Variants in DYTN observed in about 807,000 individuals in gnomAD.
DYTN encodes dystrotelin.
Under a neutral mutation model 69.6 loss-of-function variants are expected in DYTN, and 75 were observed. That is an observed-to-expected ratio of 1.08 (90% confidence interval 0.89 to 1.31). The LOEUF (loss-of-function observed/expected upper bound fraction) is 1.31, where lower values mean the gene tolerates loss of function less well. DYTN is among the 50% of genes most tolerant of loss of function. DYTN has a pLI of 0.00. For missense variants in DYTN, 726 were observed against 688.4 expected (o/e 1.05, Z -0.61); for synonymous variants, 252 against 249.1 (o/e 1.01, Z -0.11).
intron 9 of DYTN, among the ~76,000 whole-genome samples, chr2:206,666,738 C>CGTGTGTGTGTGTGT (rs56345459): frequency 2.6e-4 from 38 of 145,744 alleles, no homozygotes; most frequent in Non-Finnish European, 4.8e-4. Flanking sequence ...CATGGGTGTG[C>CGTGTGTGTGTGTGT]GTGTGTGTGT....
At chr2:206,678,397 G>T (rs1699715324) in intron 9 of DYTN, among the ~76,000 whole-genome samples, 1 of 152,216 alleles carries the variant, frequency 6.6e-6, no homozygotes, top group Admixed American at 6.5e-5. Flanking sequence ...CAATAAGCAT[G>T]AAGAGCCTTA....
intron 11 of DYTN, among the ~76,000 whole-genome samples, chr2:206,655,527 A>G (rs1204474030): frequency 6.6e-6 from 1 of 152,008 alleles, no homozygotes; most frequent in African/African-American, 2.4e-5. Context: ...CTCCTGCTTC[A>G]GTCTCTTGAG....
intron 2 of DYTN, among the ~76,000 whole-genome samples, chr2:206,707,858 G>A (rs72960722): frequency 0.31 from 46,832 of 152,004 alleles, 7,502 homozygotes; most frequent in East Asian, 0.44. Context: ...TAAAAAGTTG[G>A]GGAAAACATT....
intron 10 of DYTN, 62 bp from the exon 11 acceptor site, chr2:206,663,457 A>C: frequency 6.8e-7 from 1 of 1,467,576 alleles, no homozygotes; most frequent in Non-Finnish European, 9.0e-7. Context: ...TCATAAATGC[A>C]TTACATTTCA....
At chr2:206,662,878 T>C in intron 11 of DYTN, 25 bp downstream of exon 11, 1 of 1,585,236 alleles carries the variant, frequency 6.3e-7, no homozygotes, top group South Asian at 1.2e-5. Context: ...GCCATCACGA[T>C]GTCTATGGAT....
At chr2:206,658,901 G>C (rs16838424) in intron 11 of DYTN, among the ~76,000 whole-genome samples, 19,919 of 147,590 alleles carry the variant, frequency 0.13, 1,353 homozygotes, top group East Asian at 0.17. Context: ...AAAGAAGCTA[G>C]AAAAATAACT....
In DYTN at chr2:206,658,603, G is replaced by T. The variant is rs111743967; in HGVS notation, c.1633+4300C>A. ...GGGTTTTGTCAGTAATTTGAGACAGGTTAGACAGAAGCCCAGTCCCTTGGA... is the reference window on the plus strand; with the variant it reads ...GGGTTTTGTCAGTAATTTGAGACAGTTTAGACAGAAGCCCAGTCCCTTGGA... On this transcript the variant is annotated intron_variant, in intron 11 of 11. Coordinates refer to ENST00000452335, the MANE Select transcript of DYTN (RefSeq NM_001093730.1). Among the ~76,000 whole-genome samples, 28 of 152,136 alleles carry T rather than the reference G, an allele frequency of 1.8e-4. 2 individuals are homozygous for T. Among genetic ancestry groups the T allele is most frequent in the African/African-American group, 5.3e-4 (22 of 41,494 alleles).
chr2:206,702,586 T>C (rs552784557), intron 5 of DYTN, among the ~76,000 whole-genome samples: 2 of 152,322 alleles, frequency 1.3e-5, no homozygotes, highest in African/African-American at 4.8e-5. Context: ...TTACCCATCG[T>C]TTGGCTTGTG....
At position 206,663,282 on chromosome 2, in the gene DYTN, C is replaced by A; in HGVS notation, c.1254G>T (p.Lys418Asn). ...CTGTTGAAGCATCTTCAGTGGCATT[C>A]TTGATCTGCAAATAATCCCCTCCCT... ...VPKGGDYLQI[K>N]NATEDASTGE... is the part of the protein sequence containing the mutation. Residue 418 changes from lysine to asparagine, a missense_variant, in exon 11 of 12, where the codon AAG (lysine) becomes AAT (asparagine). By Grantham distance (94) the Lys-to-Asn change is moderately conservative. Transcript: ENST00000452335. 6.2e-7 allele frequency: 1 copy of A among 1,613,970 alleles called. No homozygotes were observed. The highest frequency in any genetic ancestry group is 1.7e-5 in the Admixed American group (1 of 60,014).
chr2:206,656,256 G>C (rs1445621500), intron 11 of DYTN, among the ~76,000 whole-genome samples: 2 of 152,088 alleles, frequency 1.3e-5, no homozygotes, highest in African/African-American at 4.8e-5. Flanking sequence ...ACTTGTGTGA[G>C]TTTTTGACTT....
intron 3 of DYTN, among the ~76,000 whole-genome samples, chr2:206,706,783 C>T (rs1274303278): frequency 6.6e-6 from 1 of 151,970 alleles, no homozygotes; most frequent in Non-Finnish European, 1.5e-5. Context: ...ACACGCACCC[C>T]TACCACACAC....
chr2:206,704,816 T>A (rs370848204), intron 5 of DYTN, 27 bp downstream of exon 5: 1 of 1,584,332 alleles, frequency 6.3e-7, no homozygotes. Context: ...GAAACAAATG[T>A]ACAGTTCTTA....
chr2:206,663,075 C>T lies in DYTN; in HGVS notation c.1461G>A (p.Leu487=), dbSNP rs1308136074. 1 of 1,613,948 alleles carries T rather than the reference C, an allele frequency of 6.2e-7. No homozygotes were observed. Among genetic ancestry groups the T allele is most frequent in the South Asian group, 1.1e-5 (1 of 91,068 alleles). ...ISALPSYQEG[L]KQDIPKMVPA... ...GAACCATTTTGGGGATGTCCTGCTT[C>T]AGTCCCTCCTGATAACTGGGTAGGG... The change falls in exon 11 of 12, where the codon CTG becomes CTA. Residue 487 remains leucine, a synonymous_variant. Coordinates refer to ENST00000452335, the MANE Select transcript of DYTN (RefSeq NM_001093730.1).
At chr2:206,694,636 C>T in intron 8 of DYTN, 130 bp downstream of exon 8, 1 of 591,386 alleles carries the variant, frequency 1.7e-6, no homozygotes. Flanking sequence ...TTGCCACTTG[C>T]TTAGTCTTAA....
chr2:206,718,072 C>T (rs1471056038), intron 1 of DYTN, among the ~76,000 whole-genome samples, 189 bp downstream of exon 1: 4 of 152,146 alleles, frequency 2.6e-5, no homozygotes, highest in Admixed American at 1.3e-4. Flanking sequence ...AGACCAGATA[C>T]TCTTCAGTAC....
intron 9 of DYTN, among the ~76,000 whole-genome samples, chr2:206,668,364 TC>T (rs1341667591): frequency 6.6e-6 from 1 of 152,176 alleles, no homozygotes; most frequent in Non-Finnish European, 1.5e-5. Flanking sequence ...CCAGTTCTTT[TC>T]TTCTTCTGCT....
intron 9 of DYTN, among the ~76,000 whole-genome samples, chr2:206,683,285 C>T (rs1699770631): frequency 6.6e-6 from 1 of 151,752 alleles, no homozygotes; most frequent in Admixed American, 6.6e-5. Context: ...AGCCCAGGTC[C>T]TTACATTGGC....
At chr2:206,702,324 G>A (rs1010370565) in intron 5 of DYTN, among the ~76,000 whole-genome samples, 2 of 152,246 alleles carry the variant, frequency 1.3e-5, no homozygotes, top group Non-Finnish European at 2.9e-5. Flanking sequence ...CTGTCAGCAG[G>A]CATTGCCTGC....
chr2:206,666,573 A>T (rs13023367), intron 9 of DYTN, among the ~76,000 whole-genome samples: 18,691 of 152,162 alleles, frequency 0.12, 1,197 homozygotes, highest in Non-Finnish European at 0.14. Context: ...TTCAGAATGA[A>T]AGTACACCCG....
Sources: gnomAD v4.1 joint callset for allele counts (sites outside exome capture counted in the v4.1 genomes callset) on GRCh38, gnomAD v4.1.1 for gene constraint, MANE v1.5 for transcripts, NCBI Gene and HGNC (gene_info 2026-07-23, HGNC 2026-07-21) for gene names.